Variants in DPP6 observed in about 807,000 individuals in gnomAD.
DPP6 encodes the protein dipeptidyl peptidase like 6, also known as A-type potassium channel modulatory protein DPP6.
In DPP6, 69 loss-of-function variants were observed where a neutral mutation model predicts 122.6. The observed-to-expected ratio is 0.56, with a 90% CI of 0.46 to 0.69. The LOEUF (loss-of-function observed/expected upper bound fraction) is 0.69, where lower values mean the gene tolerates loss of function less well. Ranked by LOEUF, DPP6 falls within the 30% of genes least tolerant of loss-of-function variation. The pLI, the probability that DPP6 is intolerant of heterozygous loss-of-function variation, is 0.00. For missense variants in DPP6, 928 were observed against 1,116.9 expected, an observed-to-expected ratio of 0.83 and a Z score of 2.41; for synonymous variants, 418 against 433.1, an observed-to-expected ratio of 0.97 and a Z score of 0.43.
At chr7:154,804,841 G>A (rs918069560) in intron 14 of DPP6, 76 bp from the exon 15 acceptor site, 33 of 1,551,246 alleles carry the variant, frequency 2.1e-5, no homozygotes, top group Non-Finnish European at 2.9e-5. Context: ...AGTGTCCATA[G>A]AGGTAGTGCC....
At chr7:154,512,038 G>A (rs1429666419) in intron 3 of DPP6, among the ~76,000 whole-genome samples, 1 of 152,150 alleles carries the variant, frequency 6.6e-6, no homozygotes, top group Non-Finnish European at 1.5e-5. Flanking sequence ...AGTAACTAAT[G>A]ATAAAGATTA....
intron 1 of DPP6, among the ~76,000 whole-genome samples, chr7:153,957,124 G>T (rs1177392705): frequency 2.6e-5 from 4 of 152,202 alleles, no homozygotes; most frequent in African/African-American, 4.8e-5. Context: ...CTATCAGAGA[G>T]ACAAGCAAAA....
At chr7:154,577,430 C>T (rs1163808300) in intron 5 of DPP6, among the ~76,000 whole-genome samples, 3 of 152,100 alleles carry the variant, frequency 2.0e-5, no homozygotes, top group Non-Finnish European at 2.9e-5. Flanking sequence ...CAGGGAACAC[C>T]GTGGAAGTTT....
At chr7:154,084,945 G>A (rs867751898) in intron 1 of DPP6, among the ~76,000 whole-genome samples, 4 of 122,892 alleles carry the variant, frequency 3.3e-5, no homozygotes, top group South Asian at 2.8e-4. Flanking sequence ...AGCTGAGATC[G>A]CACCACTGCA....
the DPP6 span, among the ~76,000 whole-genome samples, chr7:153,881,186 A>C: frequency 6.6e-6 from 1 of 152,234 alleles, no homozygotes; most frequent in Non-Finnish European, 1.5e-5. Context: ...AAGTAGGAGG[A>C]CTCAAAGAAG....
chr7:154,181,086 T>G (rs952561327), intron 1 of DPP6, among the ~76,000 whole-genome samples: 15 of 152,184 alleles, frequency 9.9e-5, no homozygotes, highest in African/African-American at 3.6e-4. Context: ...AGTGGAAAGT[T>G]GAAGAGCTTT....
chr7:154,649,848 C>A (rs1261413326), intron 6 of DPP6, among the ~76,000 whole-genome samples: 1 of 152,158 alleles, frequency 6.6e-6, no homozygotes, highest in Non-Finnish European at 1.5e-5. Flanking sequence ...ACAGACACTC[C>A]CCATGGAGCG....
chr7:153,867,548 G>C, the DPP6 span, among the ~76,000 whole-genome samples: 1 of 152,202 alleles, frequency 6.6e-6, no homozygotes, highest in Non-Finnish European at 1.5e-5. Flanking sequence ...AGGAGATTTT[G>C]GGCTGAGACA....
Position 154,769,583 on chromosome 7 carries a change from G to A in DPP6, c.1038+12G>A. ...ACCACTATCCCAAGGTAGGCAAAGGGACACCGCACAGCAAATTCTTTATAT... is the reference window on the plus strand; with the variant it reads ...ACCACTATCCCAAGGTAGGCAAAGGAACACCGCACAGCAAATTCTTTATAT... On this transcript the variant is annotated intron_variant, in intron 9 of 25. Coordinates refer to ENST00000377770, the MANE Select transcript of DPP6 (RefSeq NM_130797.4). The A allele has an allele frequency of 6.3e-7, 1 of 1,582,392 alleles. No individual in the cohort carries two copies. Among genetic ancestry groups the A allele is most frequent in the Non-Finnish European group, 8.6e-7 (1 of 1,161,736 alleles).
At chr7:154,632,338 G>A (rs1835455862) in intron 5 of DPP6, among the ~76,000 whole-genome samples, 1 of 152,192 alleles carries the variant, frequency 6.6e-6, no homozygotes, top group Non-Finnish European at 1.5e-5. Context: ...CTGACTTAGG[G>A]CACTTGACCT....
the DPP6 span, among the ~76,000 whole-genome samples, chr7:153,817,846 A>G: frequency 1.3e-5 from 2 of 151,798 alleles, no homozygotes; most frequent in Non-Finnish European, 2.9e-5. Context: ...CAGCACACCA[A>G]CATGGCACAT....
At chr7:154,281,471 C>A (rs1804509200) in intron 1 of DPP6, among the ~76,000 whole-genome samples, 1 of 152,154 alleles carries the variant, frequency 6.6e-6, no homozygotes, top group African/African-American at 2.4e-5. Flanking sequence ...TGTTTCCTAT[C>A]TCCATTGTCA....
At chr7:154,355,030 T>C (rs576456177) in intron 1 of DPP6, among the ~76,000 whole-genome samples, 50 of 152,308 alleles carry the variant, frequency 3.3e-4, no homozygotes, top group Admixed American at 9.8e-4. Flanking sequence ...GGGGTGAGGC[T>C]GTTTTGGTGG....
intron 3 of DPP6, among the ~76,000 whole-genome samples, chr7:154,493,282 G>T (rs1824445798): frequency 1.3e-5 from 2 of 152,150 alleles, no homozygotes; most frequent in African/African-American, 4.8e-5. Flanking sequence ...GTTGGATAAG[G>T]GTCATTTTGT....
At chr7:154,046,461 A>G (rs747222876) in intron 1 of DPP6, among the ~76,000 whole-genome samples, 2 of 152,240 alleles carry the variant, frequency 1.3e-5, no homozygotes, top group Non-Finnish European at 1.5e-5. Flanking sequence ...ACAGTTTACA[A>G]TATGGCAATA....
At chr7:154,609,748 C>G (rs1415743237) in intron 5 of DPP6, among the ~76,000 whole-genome samples, 1 of 152,232 alleles carries the variant, frequency 6.6e-6, no homozygotes, top group African/African-American at 2.4e-5. Flanking sequence ...CACCTGGCCT[C>G]TTTGCTGTTC....
intron 1 of DPP6, among the ~76,000 whole-genome samples, chr7:153,892,455 A>G (rs1799243422): frequency 6.6e-6 from 1 of 152,178 alleles, no homozygotes; most frequent in Non-Finnish European, 1.5e-5. Flanking sequence ...CTAGGATTAC[A>G]GGCATGTGCC....
chr7:154,467,085 G>A (rs370757057), intron 2 of DPP6, among the ~76,000 whole-genome samples: 2 of 152,190 alleles, frequency 1.3e-5, no homozygotes, highest in Admixed American at 6.5e-5. Context: ...AGAAAAAGGA[G>A]TCACTAGTTC....
intron 9 of DPP6, 45 bp downstream of exon 9, chr7:154,769,616 G>C: frequency 6.6e-7 from 1 of 1,508,438 alleles, no homozygotes; most frequent in African/African-American, 1.4e-5. Flanking sequence ...TATTATTCAT[G>C]AACACCCCAA....
Sources: gnomAD v4.1 joint callset for allele counts (sites outside exome capture counted in the v4.1 genomes callset) on GRCh38, gnomAD v4.1.1 for gene constraint, MANE v1.5 for transcripts, NCBI Gene and HGNC (gene_info 2026-07-23, HGNC 2026-07-21) for gene names.